The following COL14A1 variants were observed in gnomAD, a reference collection of about 807,000 sequenced individuals.
The protein encoded by COL14A1 is collagen alpha-1(XIV) chain.
Under a neutral mutation model 230.3 loss-of-function variants are expected in COL14A1, and 136 were observed. The observed-to-expected ratio is 0.59, with a 90% CI of 0.51 to 0.68. COL14A1 has a LOEUF of 0.68. COL14A1 is among the 30% of genes least tolerant of loss of function. COL14A1 has a pLI of 0.00. For missense variants in COL14A1, 1,976 were observed against 2,215.8 expected (o/e 0.89, Z 2.17); for synonymous variants, 792 against 784.1 (o/e 1.01, Z -0.17).
chr8:120,348,508 A>G (rs1316316524), intron 45 of COL14A1, among the ~76,000 whole-genome samples: 1 of 151,988 alleles, frequency 6.6e-6, no homozygotes, highest in Non-Finnish European at 1.5e-5. Flanking sequence ...AGAATGATAC[A>G]ATGGACTTTG....
intron 42 of COL14A1, among the ~76,000 whole-genome samples, chr8:120,334,726 G>A (rs992394872): frequency 6.6e-6 from 1 of 152,106 alleles, no homozygotes; most frequent in African/African-American, 2.4e-5. Context: ...GCTTCAGCCT[G>A]CTTCCCAGAA....
intron 2 of COL14A1, among the ~76,000 whole-genome samples, chr8:120,148,595 G>A (rs1049996370): frequency 2.6e-5 from 4 of 152,158 alleles, no homozygotes; most frequent in Non-Finnish European, 5.9e-5. Context: ...ATGTGAGTGT[G>A]TGTGTATCCT....
intron 45 of COL14A1, among the ~76,000 whole-genome samples, chr8:120,355,662 C>G (rs559248768): frequency 3.9e-5 from 6 of 152,204 alleles, no homozygotes; most frequent in African/African-American, 7.2e-5. Flanking sequence ...ACAACCCCCC[C>G]ACCCCGCCTC....
chr8:120,368,781 ACT>A (rs1282829296), intron 46 of COL14A1, among the ~76,000 whole-genome samples: 1 of 152,142 alleles, frequency 6.6e-6, no homozygotes, highest in African/African-American at 2.4e-5. Context: ...ACAATTTCAC[ACT>A]CATACAAATT....
At chr8:120,274,909 T>A (rs1176741208) in intron 26 of COL14A1, among the ~76,000 whole-genome samples, 1 of 151,746 alleles carries the variant, frequency 6.6e-6, no homozygotes, top group Non-Finnish European at 1.5e-5. Flanking sequence ...ATGAAAATGA[T>A]CATATTTCCC....
intron 3 of COL14A1, among the ~76,000 whole-genome samples, chr8:120,158,593 C>A (rs908535095): frequency 1.3e-5 from 2 of 152,094 alleles, no homozygotes; most frequent in Admixed American, 1.3e-4. Context: ...TATTAATTAA[C>A]TCAATAGAAT....
chr8:120,345,175 A>G (rs1822455326), intron 44 of COL14A1, among the ~76,000 whole-genome samples, 200 bp from the exon 45 acceptor site: 1 of 152,188 alleles, frequency 6.6e-6, no homozygotes. Flanking sequence ...GCCATTTGAC[A>G]ACAGTCCAGC....
intron 34 of COL14A1, among the ~76,000 whole-genome samples, chr8:120,296,876 A>G (rs1820545272): frequency 6.6e-6 from 1 of 151,946 alleles, no homozygotes; most frequent in African/African-American, 2.4e-5. Context: ...CATTTGCCAC[A>G]TTGTGTACCA....
intron 46 of COL14A1, among the ~76,000 whole-genome samples, chr8:120,367,712 G>T (rs2130392339): frequency 6.6e-6 from 1 of 151,390 alleles, no homozygotes; most frequent in Admixed American, 6.6e-5. Flanking sequence ...GAGGCAAGAG[G>T]ATCACTTGAG....
At chr8:120,326,165 C>T (rs1821662403) in intron 40 of COL14A1, among the ~76,000 whole-genome samples, 1 of 152,188 alleles carries the variant, frequency 6.6e-6, no homozygotes, top group South Asian at 2.1e-4. Context: ...CTGTAACATG[C>T]AGTGGTGTGT....
At position 120,209,869 on chromosome 8, in the gene COL14A1, C is replaced by G; in HGVS notation, c.1435C>G (p.Leu479Val). ...ASGYLILYAP[L>V]TEGLAGDEKE... ...AGGTTACCTGATCCTTTATGCTCCT[C>G]TAACAGAGGGCCTGGCTGGGGATGA... The change falls in exon 12 of 48, where the codon CTA (leucine) becomes GTA (valine). Residue 479 changes from leucine to valine, a missense_variant. Coordinates refer to ENST00000297848, the MANE Select transcript of COL14A1 (RefSeq NM_021110.4). 6.2e-7 allele frequency: 1 copy of G among 1,611,864 alleles called. No homozygotes were observed. The highest frequency in any genetic ancestry group is 8.5e-7 in the Non-Finnish European group (1 of 1,179,108).
intron 29 of COL14A1, among the ~76,000 whole-genome samples, chr8:120,280,434 C>A (rs2092853559): frequency 6.6e-6 from 1 of 152,154 alleles, no homozygotes; most frequent in African/African-American, 2.4e-5. Context: ...CAACATATTA[C>A]AAGGGAGATG....
chr8:120,189,861 C>A (rs1260594574), intron 5 of COL14A1, among the ~76,000 whole-genome samples: 3 of 152,192 alleles, frequency 2.0e-5, no homozygotes, highest in African/African-American at 7.2e-5. Flanking sequence ...ATATGTGCCA[C>A]ATTTTCTTAA....
In COL14A1 at chr8:120,350,522, A is replaced by T. The variant is rs1283496595; in HGVS notation, c.5077+4959A>T. ...ACGTGCAGAGACATACATAGGCTCA[A>T]AATAAAAGGATGGAGGAAGATCTAC... On this transcript the variant is annotated intron_variant, in intron 45 of 47. Coordinates refer to ENST00000297848, the MANE Select transcript of COL14A1 (RefSeq NM_021110.4). Among the ~76,000 whole-genome samples, 3 of 151,116 alleles carry T rather than the reference A, an allele frequency of 2.0e-5. No individual in the cohort carries two copies. In the East Asian group the frequency reaches 5.8e-4, roughly 29 times the overall value.
intron 14 of COL14A1, among the ~76,000 whole-genome samples, chr8:120,218,138 TATATAA>T (rs1196652893): frequency 7.3e-6 from 1 of 136,494 alleles, no homozygotes; most frequent in African/African-American, 2.8e-5. Flanking sequence ...AAATATATAA[TATATAA>T]ATATAAATAA....
At chr8:120,220,754 G>C (rs1817906722) in intron 14 of COL14A1, among the ~76,000 whole-genome samples, 1 of 152,080 alleles carries the variant, frequency 6.6e-6, no homozygotes, top group Admixed American at 6.6e-5. Flanking sequence ...CTATGCTGCT[G>C]CTGCTGCTAA....
At chr8:120,207,436 G>T (rs1164699369) in intron 10 of COL14A1, among the ~76,000 whole-genome samples, 3 of 152,102 alleles carry the variant, frequency 2.0e-5, no homozygotes, top group African/African-American at 7.2e-5. Flanking sequence ...TTTCTACTTG[G>T]GAGTGGTCTG....
At chr8:120,287,185 C>T (rs1820229138) in intron 33 of COL14A1, among the ~76,000 whole-genome samples, 1 of 150,380 alleles carries the variant, frequency 6.6e-6, no homozygotes, top group African/African-American at 2.4e-5. Flanking sequence ...ATCGTAATTG[C>T]ATACCACATA....
At chr8:120,166,921 T>TGTGG (rs769684724) in intron 4 of COL14A1, among the ~76,000 whole-genome samples, 2 of 137,382 alleles carry the variant, frequency 1.5e-5, no homozygotes, top group Non-Finnish European at 3.1e-5. Context: ...TGTGTGTGTG[T>TGTGG]GGTGGTGATG....
Sources: allele counts gnomAD v4.1 joint callset (sites outside exome capture counted in the v4.1 genomes callset), GRCh38; gene constraint gnomAD v4.1.1; transcripts MANE v1.5; gene names NCBI Gene and HGNC (gene_info 2026-07-23, HGNC 2026-07-21).